Variants in LRRC8B observed in about 807,000 individuals in gnomAD.
LRRC8B encodes volume-regulated anion channel subunit LRRC8B.
A neutral mutation model predicts 58.8 loss-of-function variants in LRRC8B; 23 were observed. That is an observed-to-expected ratio of 0.39 (90% CI 0.28 to 0.55). LRRC8B has a LOEUF of 0.55. Ranked by LOEUF, LRRC8B falls within the 20% of genes least tolerant of loss-of-function variation. The probability of loss-of-function intolerance (pLI) is 0.62; values close to 1 mark genes in which losing one functional copy is unlikely to be tolerated. For synonymous variants in LRRC8B, 359 were observed against 374.1 expected, an observed-to-expected ratio of 0.96 and a Z score of 0.47; for missense variants, 694 against 936.0, an observed-to-expected ratio of 0.74 and a Z score of 3.37.
chr1:89,525,434 C>T (rs546860635), intron 1 of LRRC8B, among the ~76,000 whole-genome samples: 2 of 152,248 alleles, frequency 1.3e-5, no homozygotes, highest in African/African-American at 2.4e-5. Context: ...AGCGCAACTC[C>T]CCTGAGGGTG....
chr1:89,546,143 T>A (rs1039490831), intron 1 of LRRC8B, among the ~76,000 whole-genome samples: 1 of 152,152 alleles, frequency 6.6e-6, no homozygotes, highest in South Asian at 2.1e-4. Flanking sequence ...ATAGAGAGCA[T>A]GTTCAAAGGC....
In LRRC8B at chr1:89,584,530, T is replaced by G. The variant is rs1160217030; in HGVS notation, c.1880T>G (p.Ile627Ser). Reference protein sequence around the residue: ...ENNLKTVEEIISFQHLQNLSC... With the variant: ...ENNLKTVEEISSFQHLQNLSC... ...AACCTTAAAACTGTGGAAGAGATCA[T>G]TAGCTTTCAGCATCTTCAGAATCTT... Residue 627 changes from isoleucine to serine, a missense_variant, in exon 5 of 6, where the codon ATT (isoleucine) becomes AGT (serine). Physicochemically the swap from Ile to Ser is moderately radical, Grantham distance 142. Transcript: ENST00000330947. 6.2e-7 allele frequency: 1 copy of G among 1,614,108 alleles called. No homozygotes were observed. Among genetic ancestry groups the G allele is most frequent in the Non-Finnish European group, 8.5e-7 (1 of 1,180,048 alleles).
At chr1:89,553,565 A>G (rs1651967111) in intron 1 of LRRC8B, among the ~76,000 whole-genome samples, 1 of 152,210 alleles carries the variant, frequency 6.6e-6, no homozygotes, top group African/African-American at 2.4e-5. Context: ...ATTCCACCAG[A>G]GTACTCAGGT....
At chr1:89,530,450 C>T (rs1263085456) in intron 1 of LRRC8B, among the ~76,000 whole-genome samples, 1 of 151,882 alleles carries the variant, frequency 6.6e-6, no homozygotes, top group Non-Finnish European at 1.5e-5. Context: ...TAATCTAATT[C>T]TTTTACAGTT....
rs1202066398 is a variant in LRRC8B, at chr1:89,597,731, T to C, written c.*4688T>C. On this transcript the variant is annotated 3_prime_UTR_variant, in exon 6 of 6. Transcript: ENST00000330947. ...CAGGTTTACTGTGTAAATCTGCATT[T>C]TTGGTGGTAAATCCCTTTGCCACAG... 6.6e-6 allele frequency: 1 copy of C among 152,200 alleles called. No individual in the cohort carries two copies. Among genetic ancestry groups the C allele is most frequent in the Non-Finnish European group, 1.5e-5 (1 of 68,034 alleles). The allele number at this position is 152,200 out of a possible 1,614,324, so 9.4% of individuals were successfully genotyped here.
chr1:89,582,726 G>A lies in LRRC8B; in HGVS notation c.76G>A (p.Val26Ile), dbSNP rs750444236. The change falls in exon 5 of 6, where the codon GTC (valine) becomes ATC (isoleucine). Residue 26 changes from valine (V) to isoleucine (I), a missense_variant. Physicochemically the swap from Val to Ile is conservative, Grantham distance 29. Transcript: ENST00000330947. ...TCACATCTTAAAACCATGGTGGGAC[G>A]TCTTCTGGTATTACATCACACTGAT... ...SYHILKPWWD[V>I]FWYYITLIML... 6.2e-6 allele frequency: 10 copies of A among 1,614,078 alleles called. No homozygotes were observed. Among genetic ancestry groups the A allele is most frequent in the Middle Eastern group, 1.6e-4 (1 of 6,084 alleles).
chr1:89,582,913 C>T lies in LRRC8B; in HGVS notation c.263C>T (p.Pro88Leu), dbSNP rs369672569. 43 of 1,614,018 alleles carry T rather than the reference C, an allele frequency of 2.7e-5. No individual in the cohort carries two copies. Among genetic ancestry groups the T allele is most frequent in the East Asian group, 6.7e-5 (3 of 44,894 alleles). Residue 88 changes from proline (P) to leucine (L), a missense_variant, in exon 5 of 6, where the codon CCG becomes CTG. Around this residue, in one of 5 missense-constraint regions of LRRC8B, gnomAD observed 316 missense variants for 403.8 expected, o/e 0.78. Coordinates refer to ENST00000330947, the MANE Select transcript of LRRC8B (RefSeq NM_001369817.2). ...TCCTCTAATCCTGGGACACCGCTTC[C>T]GCTCCCCCTCCGAATTCAGAATGAC... The part of the protein sequence containing the change: ...NTSSNPGTPL[P>L]LPLRIQNDLH...
chr1:89,594,398 A>G lies in LRRC8B; in HGVS notation c.*1355A>G, dbSNP rs1655180886. On this transcript the variant is annotated 3_prime_UTR_variant, in exon 6 of 6. Transcript: ENST00000330947. Reference sequence around the variant, plus strand: ...CTCTCTCTTCCATAGTTGCTGTGCAATCGTACGGGTAAAATTCTTAATTAC... The same window carrying G: ...CTCTCTCTTCCATAGTTGCTGTGCAGTCGTACGGGTAAAATTCTTAATTAC... 6.6e-6 allele frequency: 1 copy of G among 152,176 alleles called. No individual in the cohort carries two copies. The allele number at this position is 152,176 out of a possible 1,614,324, so 9.4% of individuals were successfully genotyped here.
intron 1 of LRRC8B, among the ~76,000 whole-genome samples, chr1:89,539,263 G>A (rs914559306): frequency 2.6e-5 from 4 of 151,196 alleles, no homozygotes; most frequent in African/African-American, 4.9e-5. Context: ...TGCCCTCTCC[G>A]CCCCCCATAT....
chr1:89,528,788 A>T (rs1649890637), intron 1 of LRRC8B, among the ~76,000 whole-genome samples: 1 of 152,098 alleles, frequency 6.6e-6, no homozygotes, highest in Non-Finnish European at 1.5e-5. Flanking sequence ...TTCAGCCATC[A>T]CCCCCAAGTT....
Position 89,583,196 on chromosome 1 carries a change from A to C in LRRC8B, c.546A>C (p.Lys182Asn), listed in dbSNP as rs1192790384. 1 of 1,613,794 alleles carries C rather than the reference A, an allele frequency of 6.2e-7. No individual in the cohort carries two copies. The highest frequency in any genetic ancestry group is 8.5e-7 in the Non-Finnish European group (1 of 1,180,008). The change falls in exon 5 of 6, where the codon AAA (lysine) becomes AAC (asparagine). Residue 182 changes from lysine to asparagine, a missense_variant. Lys to Asn is a moderately conservative substitution (Grantham distance 94, BLOSUM62 0). Transcript: ENST00000330947. This position sits in a 1 kb window ranked among gnomAD's most constrained non-coding sequence, Gnocchi z 5.2. Reference sequence around the variant, plus strand: ...CTGAGCAGTCAGTGAGGCCTCTGAAACTCTCCAAGTCCAAGATTTTGCTTT... The same window carrying C: ...CTGAGCAGTCAGTGAGGCCTCTGAACCTCTCCAAGTCCAAGATTTTGCTTT... ...TVAEQSVRPL[K>N]LSKSKILLSS... is the part of the protein sequence containing the mutation.
intron 1 of LRRC8B, among the ~76,000 whole-genome samples, chr1:89,561,373 C>T (rs1000297940): frequency 7.5e-6 from 1 of 133,870 alleles, no homozygotes; most frequent in African/African-American, 2.7e-5. Context: ...TTTTGCTGTG[C>T]AGAAGCTCTT....
intron 1 of LRRC8B, among the ~76,000 whole-genome samples, chr1:89,532,249 C>T (rs573505084): frequency 8.6e-4 from 131 of 152,312 alleles, no homozygotes; most frequent in Middle Eastern, 3.4e-3. Context: ...TGTTTATGCT[C>T]TATTCCCCTC....
chr1:89,563,035 A>G (rs1652797203), intron 1 of LRRC8B, among the ~76,000 whole-genome samples: 1 of 152,170 alleles, frequency 6.6e-6, no homozygotes, highest in Admixed American at 6.5e-5. Flanking sequence ...CATTAAAATT[A>G]TATTTTTTGT....
chr1:89,529,446 G>A lies in LRRC8B; in HGVS notation c.-241+4424G>A, dbSNP rs145425750. Among the ~76,000 whole-genome samples, 26 of 151,722 alleles carry A rather than the reference G, an allele frequency of 1.7e-4. No homozygotes were observed. In the East Asian group the frequency reaches 4.3e-3, roughly 25 times the overall value. ...ATGGCATGTGAAATCAAATAGATCT[G>A]GACACAAATCCTCCCTCAGTATGCA... On this transcript the variant is annotated intron_variant, in intron 1 of 5. Transcript: ENST00000330947.
intron 1 of LRRC8B, among the ~76,000 whole-genome samples, chr1:89,554,308 C>T (rs1478070201): frequency 2.0e-5 from 3 of 152,080 alleles, no homozygotes; most frequent in Non-Finnish European, 4.4e-5. Flanking sequence ...CCCCTTTTAC[C>T]CCTTATTCCT....
At chr1:89,548,268 T>A (rs1288224866) in intron 1 of LRRC8B, among the ~76,000 whole-genome samples, 1 of 152,222 alleles carries the variant, frequency 6.6e-6, no homozygotes, top group Non-Finnish European at 1.5e-5. Context: ...GAAGTTTTAA[T>A]TTCATTCTTA....
rs111572352 is a variant in LRRC8B at position 89,570,782 on chromosome 1, T to C, written c.-125+2289T>C. ...TTTTGGCATCTTCATTATGAAATCT[T>C]TGCCCATGCTTATTGTCCTGAATGG... On this transcript the variant is annotated intron_variant, in intron 3 of 5. Coordinates refer to ENST00000330947, the MANE Select transcript of LRRC8B (RefSeq NM_001369817.2). Among the ~76,000 whole-genome samples the C allele has an allele frequency of 9.2e-3, 1,404 of 152,324 alleles. 23 individuals are homozygous for C. Among genetic ancestry groups the C allele is most frequent in the African/African-American group, 0.032 (1,331 of 41,556 alleles).
Position 89,583,773 on chromosome 1 carries a change from C to G in LRRC8B, c.1123C>G (p.Gln375Glu). ...DFAFILHLAD[Q>E]YDPLYSKRFS... is the part of the protein sequence containing the mutation. ...TGCCTTCATCCTTCATCTGGCTGATCAGTATGATCCTCTTTATTCCAAACG... is the reference window on the plus strand; with the variant it reads ...TGCCTTCATCCTTCATCTGGCTGATGAGTATGATCCTCTTTATTCCAAACG... Residue 375 changes from glutamine to glutamate, a missense_variant, in exon 5 of 6, where the codon CAG becomes GAG. By Grantham distance (29) the Gln-to-Glu change is conservative. This residue lies in a region of LRRC8B where 24 missense variants were observed against 63.2 expected (regional missense o/e 0.38). Transcript: ENST00000330947. The surrounding 1 kb of genome is among the most constrained non-coding windows in gnomAD (Gnocchi z 5.2). 1.2e-6 allele frequency: 2 copies of G among 1,614,210 alleles called. No individual in the cohort carries two copies. The highest frequency in any genetic ancestry group is 2.2e-5 in the East Asian group (1 of 44,880).
Sources: allele counts gnomAD v4.1 joint callset (sites outside exome capture counted in the v4.1 genomes callset), GRCh38; gene constraint gnomAD v4.1.1; regional missense constraint gnomAD v4.1.1; non-coding constraint Gnocchi (gnomAD v3.1); transcripts MANE v1.5; gene names NCBI Gene and HGNC (gene_info 2026-07-23, HGNC 2026-07-21).